RAMAC: variants seen among roughly 807,000 people sequenced by gnomAD.
The protein encoded by RAMAC is RNA guanine-N7 methyltransferase activating subunit.
A neutral mutation model predicts 17.9 loss-of-function variants in RAMAC; 11 were observed. The observed-to-expected ratio is 0.61, with a 90% CI of 0.39 to 1.02. RAMAC has a LOEUF of 1.02. Among genes scored for constraint, RAMAC ranks in the 50% least tolerant of loss-of-function variants. The pLI is 0.01. For missense variants in RAMAC, 109 were observed against 144.0 expected, an observed-to-expected ratio of 0.76 and a Z score of 1.25; for synonymous variants, 27 against 48.4, an observed-to-expected ratio of 0.56 and a Z score of 1.84.
intron 3 of RAMAC, 97 bp from the exon 4 acceptor site, chr15:82,989,784 T>C: frequency 7.2e-7 from 1 of 1,396,904 alleles, no homozygotes; most frequent in East Asian, 2.5e-5. Context: ...TTATTTATTG[T>C]GTATTAGAAT....
intron 1 of RAMAC, among the ~76,000 whole-genome samples, chr15:82,986,786 CA>C (rs1246542130): frequency 1.3e-5 from 2 of 152,194 alleles, no homozygotes; most frequent in Admixed American, 1.3e-4. Context: ...CCTAAAAGAA[CA>C]TACATACTTT....
At chr15:82,988,045 A>C (rs2030697815) in intron 2 of RAMAC, among the ~76,000 whole-genome samples, 1 of 149,084 alleles carries the variant, frequency 6.7e-6, no homozygotes, top group Non-Finnish European at 1.5e-5. Flanking sequence ...CAAAAAAAAA[A>C]AAAAAAAAAG....
At chr15:82,986,562 G>T (rs569103687) in intron 1 of RAMAC, among the ~76,000 whole-genome samples, 193 bp downstream of exon 1, 2 of 152,270 alleles carry the variant, frequency 1.3e-5, no homozygotes, top group East Asian at 3.9e-4. Flanking sequence ...CAGAACCTTG[G>T]TAAGCAAGCT....
rs2030824350 is a variant in RAMAC, at chr15:82,990,756, TAAC to T, written c.*694_*696del. The T allele has an allele frequency of 3.0e-6, 3 of 993,260 alleles. No homozygotes were observed. Among genetic ancestry groups the T allele is most frequent in the Non-Finnish European group, 3.1e-6 (2 of 646,242 alleles). 61.5% of individuals were successfully genotyped at this position (993,260 alleles called of 1,614,324 possible). Reference sequence around the variant, plus strand: ...TTATACAAACACTAAAGCTTTTTGCTAACAACATAGCAGGTCAAAATTCACACA... The same window carrying T: ...TTATACAAACACTAAAGCTTTTTGCTAACATAGCAGGTCAAAATTCACACA... On this transcript the variant is annotated 3_prime_UTR_variant, in exon 4 of 4. Coordinates refer to ENST00000304191, the MANE Select transcript of RAMAC (RefSeq NM_031452.4).
intron 2 of RAMAC, among the ~76,000 whole-genome samples, chr15:82,988,035 C>CAAAAA (rs1293418063): frequency 1.8e-5 from 1 of 55,032 alleles, no homozygotes; most frequent in Non-Finnish European, 3.5e-5. Flanking sequence ...AACTCCGTCT[C>CAAAAA]AAAAAAAAAA....
In RAMAC at chr15:82,990,745, A is replaced by C; in HGVS notation, c.*678A>C. 8.9e-7 allele frequency: 1 copy of C among 1,128,996 alleles called. No individual in the cohort carries two copies. Among genetic ancestry groups the C allele is most frequent in the Non-Finnish European group, 1.3e-6 (1 of 768,106 alleles). The allele number at this position is 1,128,996 out of a possible 1,614,324, so 69.9% of individuals were successfully genotyped here. The stretch of plus-strand genomic sequence containing the variant: ...TACACATCATTTTATACAAACACTA[A>C]AGCTTTTTGCTAACAACATAGCAGG... On this transcript the variant is annotated 3_prime_UTR_variant, in exon 4 of 4. Coordinates refer to ENST00000304191, the MANE Select transcript of RAMAC (RefSeq NM_031452.4).
At chr15:82,989,514 G>A (rs906083068) in intron 3 of RAMAC, among the ~76,000 whole-genome samples, 31 of 152,020 alleles carry the variant, frequency 2.0e-4, no homozygotes, top group African/African-American at 3.6e-4. Context: ...ACATTGTTTC[G>A]ATTTTACTTT....
intron 1 of RAMAC, among the ~76,000 whole-genome samples, chr15:82,986,810 T>A (rs1298503960): frequency 6.6e-6 from 1 of 152,278 alleles, no homozygotes; most frequent in Non-Finnish European, 1.5e-5. Flanking sequence ...GAAGTTTGTA[T>A]TCATACTTGA....
chr15:82,989,157 G>A lies in RAMAC; in HGVS notation c.139G>A (p.Ala47Thr), dbSNP rs2030751341. ...PPIVEEWNSR[A>T]GGNQRNRGNR... ...AATTGTTGAGGAATGGAATAGCAGAGCTGGTGGGAACCAAAGAAACAGAGG... is the reference window on the plus strand; with the variant it reads ...AATTGTTGAGGAATGGAATAGCAGAACTGGTGGGAACCAAAGAAACAGAGG... Residue 47 changes from alanine (A) to threonine (T), a missense_variant, in exon 3 of 4, where the codon GCT (alanine) becomes ACT (threonine). Transcript: ENST00000304191. 1 of 1,613,458 alleles carries A rather than the reference G, an allele frequency of 6.2e-7. No individual in the cohort carries two copies. The highest frequency in any genetic ancestry group is 8.5e-7 in the Non-Finnish European group (1 of 1,179,736).
At chr15:82,986,888 C>G (rs573336867) in intron 1 of RAMAC, among the ~76,000 whole-genome samples, 1 of 152,180 alleles carries the variant, frequency 6.6e-6, no homozygotes, top group East Asian at 1.9e-4. Context: ...CCAGTTCCCT[C>G]TTTGGAATAT....
In RAMAC at chr15:82,990,797, ACT is replaced by A. The variant is rs1300635713; in HGVS notation, c.*733_*734del. On this transcript the variant is annotated 3_prime_UTR_variant, in exon 4 of 4. Coordinates refer to ENST00000304191, the MANE Select transcript of RAMAC (RefSeq NM_031452.4). The stretch of plus-strand genomic sequence containing the variant: ...CAAAATTCACACATAAGAAAGTTTA[ACT>A]CTGTACTGTTCACACTTTTTAATCC... 17 of 641,750 alleles carry A rather than the reference ACT, an allele frequency of 2.6e-5. No individual in the cohort carries two copies. Among genetic ancestry groups the A allele is most frequent in the Middle Eastern group, 2.5e-4 (1 of 3,990 alleles). 39.8% of individuals were successfully genotyped at this position (641,750 alleles called of 1,614,324 possible).
Position 82,990,744 on chromosome 15 carries a change from A to C in RAMAC, c.*677A>C. ...GTACACATCATTTTATACAAACACT[A>C]AAGCTTTTTGCTAACAACATAGCAG... On this transcript the variant is annotated 3_prime_UTR_variant, in exon 4 of 4. Transcript: ENST00000304191. 1 of 1,142,498 alleles carries C rather than the reference A, an allele frequency of 8.8e-7. No individual in the cohort carries two copies. The highest frequency in any genetic ancestry group is 1.3e-6 in the Non-Finnish European group (1 of 779,958). 70.8% of individuals were successfully genotyped at this position (1,142,498 alleles called of 1,614,324 possible).
At chr15:82,989,741 A>G (rs948709926) in intron 3 of RAMAC, 140 bp from the exon 4 acceptor site, 17 of 1,110,258 alleles carry the variant, frequency 1.5e-5, no homozygotes, top group Admixed American at 5.7e-5. Flanking sequence ...AACTGGCACT[A>G]TAACATTCTA....
intron 3 of RAMAC, 92 bp from the exon 4 acceptor site, chr15:82,989,789 T>C: frequency 2.1e-6 from 3 of 1,454,234 alleles, no homozygotes; most frequent in Non-Finnish European, 2.8e-6. Context: ...TATTGTGTAT[T>C]AGAATGAGAA....
chr15:82,988,533 A>C (rs145946146), intron 2 of RAMAC: 190 of 235,892 alleles, frequency 8.1e-4, no homozygotes, highest in Non-Finnish European at 1.3e-3. Flanking sequence ...ATTGGAAGTT[A>C]ATAAAGTAAG....
intron 3 of RAMAC, among the ~76,000 whole-genome samples, chr15:82,989,429 T>C (rs2030762592): frequency 6.6e-6 from 1 of 152,274 alleles, no homozygotes; most frequent in Non-Finnish European, 1.5e-5. Context: ...GTTTTTTCTG[T>C]AGACTAATAT....
Position 82,990,543 on chromosome 15 carries a change from C to CTTTTT in RAMAC, c.*486_*490dup. On this transcript the variant is annotated 3_prime_UTR_variant, in exon 4 of 4. Coordinates refer to ENST00000304191, the MANE Select transcript of RAMAC (RefSeq NM_031452.4). Reference sequence around the variant, plus strand: ...CAGCAGTTGAAAGGTAAAACAATTGCTTTTTTTTTTTTTTGCATTTGTTAA... The same window carrying CTTTTT: ...CAGCAGTTGAAAGGTAAAACAATTGCTTTTTTTTTTTTTTTTTTTGCATTTGTTAA... 7.3e-6 allele frequency: 5 copies of CTTTTT among 687,296 alleles called. No individual in the cohort carries two copies. Among genetic ancestry groups the CTTTTT allele is most frequent in the South Asian group, 4.5e-5 (2 of 44,282 alleles). 42.6% of individuals were successfully genotyped at this position (687,296 alleles called of 1,614,324 possible). A position where few individuals can be genotyped will look rare whatever the true frequency, so the allele number is the denominator to read the frequency against.
intron 2 of RAMAC, among the ~76,000 whole-genome samples, chr15:82,988,035 CA>C (rs1293418063): frequency 0.014 from 755 of 55,028 alleles, 3 homozygotes; most frequent in Middle Eastern, 0.069. Flanking sequence ...AACTCCGTCT[CA>C]AAAAAAAAAA....
rs947630977 is a variant in RAMAC at position 82,990,635 on chromosome 15, A to C, written c.*568A>C. On this transcript the variant is annotated 3_prime_UTR_variant, in exon 4 of 4. Coordinates refer to ENST00000304191, the MANE Select transcript of RAMAC (RefSeq NM_031452.4). ...CAGCTCCACACTTGAGTCTCTTTTT[A>C]GAGGGAAATCAGTAATAAAGCTGTA... 2 of 1,517,338 alleles carry C rather than the reference A, an allele frequency of 1.3e-6. No individual in the cohort carries two copies. Among genetic ancestry groups the C allele is most frequent in the Non-Finnish European group, 1.8e-6 (2 of 1,120,902 alleles). The allele number at this position is 1,517,338 out of a possible 1,614,324, so 94.0% of individuals were successfully genotyped here. A position where few individuals can be genotyped will look rare whatever the true frequency, so the allele number is the denominator to read the frequency against.
Sources: allele counts gnomAD v4.1 joint callset (sites outside exome capture counted in the v4.1 genomes callset), GRCh38; gene constraint gnomAD v4.1.1; transcripts MANE v1.5; gene names NCBI Gene and HGNC (gene_info 2026-07-23, HGNC 2026-07-21).